B3GALT5: variants seen among roughly 807,000 people sequenced by gnomAD.
B3GALT5 encodes UDP-Gal:betaGlcNAc beta 1,3-galactosyltransferase, polypeptide 5.
For synonymous variants in B3GALT5, 156 were observed against 158.6 expected, an observed-to-expected ratio of 0.98 and a Z score of 0.12; for missense variants, 328 against 396.6, an observed-to-expected ratio of 0.83 and a Z score of 1.47.
At position 39,669,683 on chromosome 21, in the gene B3GALT5, A is replaced by G. The variant is rs1390952189; in HGVS notation, c.*8191A>G. The G allele has an allele frequency of 6.6e-6, 1 of 152,084 alleles. No homozygotes were observed. The allele number at this position is 152,084 out of a possible 1,614,324, so 9.4% of individuals were successfully genotyped here. ...TCTGGAGGGCACCATTCTTATAATT[A>G]TGCCCCTGGATTTAAGAGGAGGAAA... On this transcript the variant is annotated 3_prime_UTR_variant, in exon 4 of 4. Coordinates refer to ENST00000684187, the MANE Select transcript of B3GALT5 (RefSeq NM_001356336.2).
At chr21:39,630,813 C>T (rs1228561980) in intron 1 of B3GALT5, among the ~76,000 whole-genome samples, 5 of 152,190 alleles carry the variant, frequency 3.3e-5, no homozygotes, top group East Asian at 1.9e-4. Context: ...AGCTCAGTGG[C>T]GATGTTTCCC....
At chr21:39,653,426 T>G (rs192870874) in intron 2 of B3GALT5, among the ~76,000 whole-genome samples, 4 of 152,230 alleles carry the variant, frequency 2.6e-5, no homozygotes, top group Admixed American at 6.5e-5. Flanking sequence ...ATTTTCCCTT[T>G]GCAATCTGGC....
intron 1 of B3GALT5, among the ~76,000 whole-genome samples, chr21:39,624,673 T>A (rs1390245310): frequency 6.6e-6 from 1 of 152,202 alleles, no homozygotes; most frequent in Non-Finnish European, 1.5e-5. Context: ...TAGACAATGC[T>A]GCACAGCGAA....
chr21:39,661,402 C>G lies in B3GALT5; in HGVS notation c.843C>G (p.Ile281Met). 1.9e-6 allele frequency: 3 copies of G among 1,563,874 alleles called. No homozygotes were observed. The highest frequency in any genetic ancestry group is 2.6e-6 in the Non-Finnish European group (3 of 1,156,636). ...TCTCCGTATGCCTCTTCAGGAGGATCGTGGCCTGCCACTTCATCAAGCCTC... is the reference window on the plus strand; with the variant it reads ...TCTCCGTATGCCTCTTCAGGAGGATGGTGGCCTGCCACTTCATCAAGCCTC... ...LRFSVCLFRR[I>M]VACHFIKPRT... Residue 281 changes from isoleucine to methionine, a missense_variant, in exon 4 of 4, where the codon ATC becomes ATG. By Grantham distance (10) the Ile-to-Met change is conservative. Transcript: ENST00000684187. This position sits in a 1 kb window ranked among gnomAD's most constrained non-coding sequence, Gnocchi z 4.7.
rs1019500730 is a variant in B3GALT5, at chr21:39,649,447, T to C, written c.-161+2825T>C. 4.6e-5 allele frequency among the ~76,000 whole-genome samples: 7 copies of C among 152,214 alleles called. 1 individual carries two copies. The South Asian group carries it at 1.2e-3, about 27-fold the overall frequency. ...TCCCTGAATATCCACAGGCAGGACCTCTGTTCTCTCCCCTGCCCCGTTAAA... is the reference window on the plus strand; with the variant it reads ...TCCCTGAATATCCACAGGCAGGACCCCTGTTCTCTCCCCTGCCCCGTTAAA... On this transcript the variant is annotated intron_variant, in intron 2 of 3. Transcript: ENST00000684187.
At chr21:39,653,941 C>T (rs1304435514) in intron 2 of B3GALT5, among the ~76,000 whole-genome samples, 1 of 152,116 alleles carries the variant, frequency 6.6e-6, no homozygotes, top group African/African-American at 2.4e-5. Context: ...TTTGACTTTC[C>T]CTGGTCAAGG....
intron 2 of B3GALT5, among the ~76,000 whole-genome samples, chr21:39,652,177 C>T (rs2079402344): frequency 6.6e-6 from 1 of 152,218 alleles, no homozygotes; most frequent in African/African-American, 2.4e-5. Context: ...CCAGCGGGCT[C>T]TCAGTAGGTA....
At chr21:39,656,114 T>C (rs1488784942) in intron 2 of B3GALT5, among the ~76,000 whole-genome samples, 2 of 152,224 alleles carry the variant, frequency 1.3e-5, no homozygotes, top group Non-Finnish European at 2.9e-5. Context: ...CCAGAATCTC[T>C]GTGAGATGGA....
At chr21:39,632,166 C>T (rs183107168) in intron 1 of B3GALT5, among the ~76,000 whole-genome samples, 1 of 152,314 alleles carries the variant, frequency 6.6e-6, no homozygotes, top group East Asian at 1.9e-4. Flanking sequence ...CCATTCTGTT[C>T]TATTCTACTA....
At position 39,669,517 on chromosome 21, in the gene B3GALT5, TAA is replaced by T. The variant is rs1016815734; in HGVS notation, c.*8027_*8028del. ...TTTTGCATACAGAGCTTTCACTGGGTAAATACACAATGCTGAGAAGATTATCA... is the reference window on the plus strand; with the variant it reads ...TTTTGCATACAGAGCTTTCACTGGGTATACACAATGCTGAGAAGATTATCA... On this transcript the variant is annotated 3_prime_UTR_variant, in exon 4 of 4. Transcript: ENST00000684187. 1.3e-5 allele frequency: 2 copies of T among 152,032 alleles called. No homozygotes were observed. Among genetic ancestry groups the T allele is most frequent in the African/African-American group, 4.8e-5 (2 of 41,376 alleles). The allele number at this position is 152,032 out of a possible 1,614,324, so 9.4% of individuals were successfully genotyped here. A position where few individuals can be genotyped will look rare whatever the true frequency, so the allele number is the denominator to read the frequency against.
chr21:39,661,715 C>G lies in B3GALT5; in HGVS notation c.*223C>G, dbSNP rs2079527676. 2 of 439,764 alleles carry G rather than the reference C, an allele frequency of 4.5e-6. No homozygotes were observed. Among genetic ancestry groups the G allele is most frequent in the Non-Finnish European group, 8.2e-6 (2 of 244,056 alleles). 27.2% of individuals were successfully genotyped at this position (439,764 alleles called of 1,614,324 possible). On this transcript the variant is annotated 3_prime_UTR_variant, in exon 4 of 4. Coordinates refer to ENST00000684187, the MANE Select transcript of B3GALT5 (RefSeq NM_001356336.2). The surrounding 1 kb of genome is among the most constrained non-coding windows in gnomAD (Gnocchi z 4.7). ...CACACTCTTCATACTAAGTGTTTGACATACACCTGGATTTTTGCATTTCAG... is the reference window on the plus strand; with the variant it reads ...CACACTCTTCATACTAAGTGTTTGAGATACACCTGGATTTTTGCATTTCAG...
Position 39,660,632 on chromosome 21 carries a change from A to G in B3GALT5, c.73A>G (p.Met25Val), listed in dbSNP as rs377007897. The G allele has an allele frequency of 9.3e-6, 14 of 1,504,658 alleles. No individual in the cohort carries two copies. Among genetic ancestry groups the G allele is most frequent in the Non-Finnish European group, 1.2e-5 (14 of 1,127,636 alleles). The allele number at this position is 1,504,658 out of a possible 1,614,324, so 93.2% of individuals were successfully genotyped here. A position where few individuals can be genotyped will look rare whatever the true frequency, so the allele number is the denominator to read the frequency against. Residue 25 changes from methionine (M) to valine (V), a missense_variant, in exon 4 of 4, where the codon ATG becomes GTG. Physicochemically the swap from Met to Val is conservative, Grantham distance 21. Transcript: ENST00000684187. ...GGGGGCTCTTTGTTTGTATTTTAGC[A>G]TGTACAGTCTAAATCCTTTCAAAGA... is the stretch of plus-strand genomic sequence containing the variant. ...VLGALCLYFS[M>V]YSLNPFKEQS...
At chr21:39,613,102 G>T in intron 1 of B3GALT5, 35 bp downstream of exon 1, 1 of 149,016 alleles carries the variant, frequency 6.7e-6, no homozygotes, top group South Asian at 1.8e-4. Context: ...GGCGCGGGGA[G>T]CGCTGGCCGG....
At chr21:39,623,084 C>A (rs201449910) in intron 1 of B3GALT5, among the ~76,000 whole-genome samples, 4 of 140,636 alleles carry the variant, frequency 2.8e-5, no homozygotes, top group African/African-American at 5.7e-5. Context: ...CCCTCCCTCC[C>A]TCCATCCTTC....
chr21:39,618,737 G>A (rs1187435812), intron 1 of B3GALT5, among the ~76,000 whole-genome samples: 1 of 151,860 alleles, frequency 6.6e-6, no homozygotes, highest in African/African-American at 2.4e-5. Flanking sequence ...TCTGTGTCTT[G>A]TATTTTTACA....
chr21:39,650,979 A>T (rs2079390011), intron 2 of B3GALT5, among the ~76,000 whole-genome samples: 1 of 151,476 alleles, frequency 6.6e-6, no homozygotes, highest in African/African-American at 2.4e-5. Context: ...CCATAAAGAA[A>T]AAAAAAACCT....
intron 2 of B3GALT5, among the ~76,000 whole-genome samples, chr21:39,648,540 A>AGCAGC (rs1270107317): frequency 6.6e-6 from 1 of 152,180 alleles, no homozygotes; most frequent in African/African-American, 2.4e-5. Flanking sequence ...GTTGGAAGAG[A>AGCAGC]GCAGCACTTC....
In B3GALT5 at chr21:39,661,457, G is replaced by A. The variant is rs1026987085; in HGVS notation, c.898G>A (p.Glu300Lys). 6.6e-7 allele frequency: 1 copy of A among 1,515,340 alleles called. No individual in the cohort carries two copies. 93.9% of individuals were successfully genotyped at this position (1,515,340 alleles called of 1,614,324 possible). A position where few individuals can be genotyped will look rare whatever the true frequency, so the allele number is the denominator to read the frequency against. ...RTLLDYWQAL[E>K]NSRGEDCPPV is the part of the protein sequence containing the mutation. ...TCTCTTGGACTACTGGCAGGCTCTA[G>A]AGAATTCCCGGGGGGAAGATTGTCC... The change falls in exon 4 of 4, where the codon GAG becomes AAG. Residue 300 changes from glutamate to lysine, a missense_variant. Coordinates refer to ENST00000684187, the MANE Select transcript of B3GALT5 (RefSeq NM_001356336.2). This position sits in a 1 kb window ranked among gnomAD's most constrained non-coding sequence, Gnocchi z 4.7.
chr21:39,637,655 A>C (rs1228435960), intron 1 of B3GALT5, among the ~76,000 whole-genome samples: 1 of 152,242 alleles, frequency 6.6e-6, no homozygotes, highest in Non-Finnish European at 1.5e-5. Flanking sequence ...CAGAGACAAA[A>C]GGAACAAAGG....
Sources: allele counts gnomAD v4.1 joint callset (sites outside exome capture counted in the v4.1 genomes callset), GRCh38; gene constraint gnomAD v4.1.1; non-coding constraint Gnocchi (gnomAD v3.1); transcripts MANE v1.5; gene names NCBI Gene and HGNC (gene_info 2026-07-23, HGNC 2026-07-21).